The following PIWIL4 variants were observed in gnomAD, a reference collection of about 807,000 sequenced individuals.
PIWIL4 encodes the protein piwi like RNA-mediated gene silencing 4.
A neutral mutation model predicts 100.9 loss-of-function variants in PIWIL4; 50 were observed. The ratio of observed to expected loss-of-function variants is 0.50; its 90% CI spans 0.39 to 0.63. The LOEUF is 0.63. PIWIL4 is among the 20% of genes least tolerant of loss of function. The probability of loss-of-function intolerance (pLI) is 0.00; values close to 1 mark genes in which losing one functional copy is unlikely to be tolerated. For synonymous variants in PIWIL4, 342 were observed against 367.5 expected (o/e 0.93, Z 0.79); for missense variants, 887 against 1,043.3 (o/e 0.85, Z 2.06).
intron 12 of PIWIL4, among the ~76,000 whole-genome samples, chr11:94,602,198 A>T (rs1773947488): frequency 6.6e-6 from 1 of 152,222 alleles, no homozygotes; most frequent in South Asian, 2.1e-4. Flanking sequence ...CCCAGTTCTT[A>T]AGCAGTAGTG....
At chr11:94,593,664 C>G (rs375761037) in intron 9 of PIWIL4, 23 bp downstream of exon 9, 1 of 1,611,356 alleles carries the variant, frequency 6.2e-7, no homozygotes, top group South Asian at 1.1e-5. Flanking sequence ...TTTTATACCT[C>G]TGTCAGGCTC....
At chr11:94,585,312 C>T in intron 5 of PIWIL4, 133 bp from the exon 6 acceptor site, 2 of 575,574 alleles carry the variant, frequency 3.5e-6, no homozygotes, top group South Asian at 2.8e-5. Context: ...GTATCTAAAC[C>T]TTGCAGTCCT....
At position 94,567,559 on chromosome 11, in the gene PIWIL4, G is replaced by T. The variant is rs752699501; in HGVS notation, c.41G>T (p.Arg14Leu). Residue 14 changes from arginine (R) to leucine (L), a missense_variant, in exon 1 of 20, where the codon CGC (arginine) becomes CTC (leucine). Arg to Leu is a moderately radical substitution (Grantham distance 102). This residue lies in a region of PIWIL4 where 146 missense variants were observed against 113.4 expected (regional missense o/e 1.29). Coordinates refer to ENST00000299001, the MANE Select transcript of PIWIL4 (RefSeq NM_152431.3). ...CGAGTGAAGGCCAGAGGCATCGCCC[G>T]CAGCCCCAGTGCCACAGAAGTGGGG... ...RARVKARGIA[R>L]SPSATEVGRI... 7 of 1,606,118 alleles carry T rather than the reference G, an allele frequency of 4.4e-6. No homozygotes were observed. In the African/African-American group the frequency reaches 8.0e-5, roughly 18 times the overall value.
chr11:94,589,635 C>T (rs1948455575), intron 8 of PIWIL4, among the ~76,000 whole-genome samples: 1 of 152,156 alleles, frequency 6.6e-6, no homozygotes, highest in Non-Finnish European at 1.5e-5. Context: ...GTAATTGCCT[C>T]TTGTGATTCC....
At chr11:94,619,948 C>T in intron 18 of PIWIL4, 49 bp from the exon 19 acceptor site, 2 of 1,614,066 alleles carry the variant, frequency 1.2e-6, no homozygotes, top group South Asian at 1.1e-5. Flanking sequence ...TATGTTTGAC[C>T]TTATTCTGTT....
chr11:94,580,528 C>A (rs1948296932), intron 4 of PIWIL4, among the ~76,000 whole-genome samples: 1 of 152,184 alleles, frequency 6.6e-6, no homozygotes, highest in African/African-American at 2.4e-5. Context: ...TTGCCACTCT[C>A]ATATACTTAT....
At chr11:94,577,585 T>C (rs1051484414) in intron 4 of PIWIL4, 93 bp downstream of exon 4, 7 of 984,294 alleles carry the variant, frequency 7.1e-6, no homozygotes, top group Non-Finnish European at 9.9e-6. Flanking sequence ...GCAAGGAGAT[T>C]CCAAAAGGTT....
chr11:94,604,623 C>A (rs1246496926), intron 13 of PIWIL4, among the ~76,000 whole-genome samples: 1 of 152,168 alleles, frequency 6.6e-6, no homozygotes, highest in African/African-American at 2.4e-5. Flanking sequence ...TCCCAACATT[C>A]CAGAAAAATT....
chr11:94,593,948 G>A (rs1948520338), intron 9 of PIWIL4, among the ~76,000 whole-genome samples: 1 of 152,064 alleles, frequency 6.6e-6, no homozygotes, highest in African/African-American at 2.4e-5. Flanking sequence ...TTTTCTTCAG[G>A]TGTATCAGTA....
intron 6 of PIWIL4, among the ~76,000 whole-genome samples, chr11:94,586,653 C>G (rs1045474516): frequency 6.6e-6 from 1 of 151,906 alleles, no homozygotes; most frequent in Non-Finnish European, 1.5e-5. Flanking sequence ...TTTCCCCCCC[C>G]TCTTCAGGGA....
rs367640527 is a variant in PIWIL4 at position 94,597,873 on chromosome 11, C to T, written c.1338C>T (p.Gly446=). 3 of 1,613,796 alleles carry T rather than the reference C, an allele frequency of 1.9e-6. No individual in the cohort carries two copies. In the African/African-American group the frequency reaches 4.0e-5, roughly 22 times the overall value. Residue 446 remains glycine (G), a synonymous_variant, in exon 11 of 20, where the codon GGC becomes GGT. Coordinates refer to ENST00000299001, the MANE Select transcript of PIWIL4 (RefSeq NM_152431.3). ...LHFGSQISLT[G]RIVPSEKILM... ...TTGGAAGCCAGATATCTCTGACTGGCCGGATTGTGCCTTCAGAAAAAATAT... is the reference window on the plus strand; with the variant it reads ...TTGGAAGCCAGATATCTCTGACTGGTCGGATTGTGCCTTCAGAAAAAATAT...
chr11:94,598,535 A>G (rs535004539), intron 11 of PIWIL4, among the ~76,000 whole-genome samples: 1 of 151,978 alleles, frequency 6.6e-6, no homozygotes, highest in East Asian at 1.9e-4. Flanking sequence ...AAAATTATAC[A>G]TTATCTTTCT....
At chr11:94,598,006 A>G (rs993212809) in intron 11 of PIWIL4, 91 bp downstream of exon 11, 1 of 975,746 alleles carries the variant, frequency 1.0e-6, no homozygotes, top group African/African-American at 1.6e-5. Flanking sequence ...TGTGCTTATA[A>G]TATTTGGTTT....
At position 94,597,772 on chromosome 11, in the gene PIWIL4, T is replaced by A. The variant is rs1340970668; in HGVS notation, c.1269-32T>A. 4.1e-6 allele frequency: 6 copies of A among 1,470,066 alleles called. No homozygotes were observed. The East Asian group carries it at 9.1e-5, about 22-fold the overall frequency. The allele number at this position is 1,470,066 out of a possible 1,614,324, so 91.1% of individuals were successfully genotyped here. A position where few individuals can be genotyped will look rare whatever the true frequency, so the allele number is the denominator to read the frequency against. ...ATTCAGTAAGTTATAATTATATCTC[T>A]CTTTAATGATTTAAAACAACTTTAT... On this transcript the variant is annotated intron_variant, in intron 10 of 19. Coordinates refer to ENST00000299001, the MANE Select transcript of PIWIL4 (RefSeq NM_152431.3).
At chr11:94,592,024 C>T (rs1948492891) in intron 8 of PIWIL4, among the ~76,000 whole-genome samples, 1 of 152,116 alleles carries the variant, frequency 6.6e-6, no homozygotes, top group Non-Finnish European at 1.5e-5. Flanking sequence ...TGAGACTATC[C>T]GTACTCCCAT....
rs150824486 is a variant in PIWIL4 at position 94,585,599 on chromosome 11, T to C, written c.716+74T>C. ...CAACATAATTTATGATGCAATATTA[T>C]ACCATTATGCCTCCTGTGAGAGACT... On this transcript the variant is annotated intron_variant, in intron 6 of 19. Transcript: ENST00000299001. 3.4e-5 allele frequency: 39 copies of C among 1,137,760 alleles called. No individual in the cohort carries two copies. In the African/African-American group the frequency reaches 6.0e-4, roughly 17 times the overall value. 70.5% of individuals were successfully genotyped at this position (1,137,760 alleles called of 1,614,324 possible). A position where few individuals can be genotyped will look rare whatever the true frequency, so the allele number is the denominator to read the frequency against.
chr11:94,600,740 A>G (rs1346024331), intron 11 of PIWIL4, among the ~76,000 whole-genome samples: 2 of 152,106 alleles, frequency 1.3e-5, no homozygotes, highest in East Asian at 1.9e-4. Context: ...TCACCTCTAT[A>G]GTCTACAGAC....
At chr11:94,567,930 C>A in intron 1 of PIWIL4, 1 of 536,266 alleles carries the variant, frequency 1.9e-6, no homozygotes, top group Non-Finnish European at 2.4e-6. Flanking sequence ...GCTTTCATAA[C>A]ATTACACGGC....
intron 8 of PIWIL4, 44 bp from the exon 9 acceptor site, chr11:94,593,474 T>G: frequency 6.3e-7 from 1 of 1,589,872 alleles, no homozygotes; most frequent in Non-Finnish European, 8.6e-7. Context: ...CACCTGGCGG[T>G]GCTTCCATGT....
Sources: allele counts gnomAD v4.1 joint callset (sites outside exome capture counted in the v4.1 genomes callset), GRCh38; gene constraint gnomAD v4.1.1; regional missense constraint gnomAD v4.1.1; transcripts MANE v1.5; gene names NCBI Gene and HGNC (gene_info 2026-07-23, HGNC 2026-07-21).